The following CASTOR2 variants were observed in gnomAD, a reference collection of about 807,000 sequenced individuals.
The protein encoded by CASTOR2 is GATS protein like 2.
Under a neutral mutation model 31.2 loss-of-function variants are expected in CASTOR2, and 8 were observed. The observed-to-expected ratio is 0.26, with a 90% confidence interval of 0.15 to 0.46. The LOEUF is 0.46. CASTOR2 is among the 20% of genes least tolerant of loss of function. The pLI, the probability that CASTOR2 is intolerant of heterozygous loss-of-function variation, is 0.99. For synonymous variants in CASTOR2, 162 were observed against 158.7 expected, an observed-to-expected ratio of 1.02 and a Z score of -0.16; for missense variants, 216 against 382.1, an observed-to-expected ratio of 0.57 and a Z score of 3.62.
chr7:74,997,213 C>T (rs1804373439), intron 1 of CASTOR2, among the ~76,000 whole-genome samples: 2 of 151,804 alleles, frequency 1.3e-5, no homozygotes, highest in South Asian at 4.1e-4. Flanking sequence ...GTTACCAGGC[C>T]CTGCTAATAT....
intron 1 of CASTOR2, among the ~76,000 whole-genome samples, chr7:74,976,078 A>T (rs1392563354): frequency 1.5e-5 from 2 of 132,890 alleles, no homozygotes; most frequent in African/African-American, 5.6e-5. Flanking sequence ...CCTAACCCAT[A>T]GGAACTGTGA....
intron 2 of CASTOR2, among the ~76,000 whole-genome samples, chr7:75,014,061 T>A (rs1222844764): frequency 6.6e-6 from 1 of 152,110 alleles, no homozygotes; most frequent in African/African-American, 2.4e-5. Context: ...CTGTGTGCAG[T>A]GCTAGGTGTC....
chr7:75,020,170 G>T, intron 6 of CASTOR2, 21 bp downstream of exon 6: 2 of 1,548,942 alleles, frequency 1.3e-6, no homozygotes, highest in Non-Finnish European at 1.7e-6. Flanking sequence ...CCCTGGGGTG[G>T]ACGTTCAACC....
At chr7:75,003,739 A>G (rs1251475223) in intron 1 of CASTOR2, among the ~76,000 whole-genome samples, 2 of 151,046 alleles carry the variant, frequency 1.3e-5, no homozygotes, top group Non-Finnish European at 3.0e-5. Context: ...ACAGAGCGAG[A>G]CTCCATCTCA....
intron 1 of CASTOR2, among the ~76,000 whole-genome samples, chr7:74,993,794 A>G (rs1584466044): frequency 2.9e-5 from 2 of 68,700 alleles, no homozygotes; most frequent in South Asian, 1.0e-3. Context: ...AAACTGTGCC[A>G]CAGATTAAAA....
intron 2 of CASTOR2, among the ~76,000 whole-genome samples, chr7:75,011,668 G>A (rs1192577554): frequency 2.5e-4 from 38 of 149,068 alleles, no homozygotes; most frequent in Admixed American, 4.7e-4. Flanking sequence ...CCCGGGAGGC[G>A]GGCTTGCAGT....
At chr7:74,969,239 G>C (rs1161446414) in intron 1 of CASTOR2, among the ~76,000 whole-genome samples, 1 of 82,962 alleles carries the variant, frequency 1.2e-5, no homozygotes, top group Non-Finnish European at 2.3e-5. Flanking sequence ...TGAAATGCTG[G>C]CCTTTCTGTA....
At chr7:74,969,686 G>A (rs1301712394) in intron 1 of CASTOR2, among the ~76,000 whole-genome samples, 1 of 137,966 alleles carries the variant, frequency 7.2e-6, no homozygotes, top group African/African-American at 2.8e-5. Flanking sequence ...CCAAAATGCT[G>A]GGATTACAGG....
At position 75,030,622 on chromosome 7, in the gene CASTOR2, AG is replaced by A. The variant is rs1805276638; in HGVS notation, c.*5925del. Among the ~76,000 whole-genome samples, 1 of 152,190 alleles carries A rather than the reference AG, an allele frequency of 6.6e-6. No homozygotes were observed. The highest frequency in any genetic ancestry group is 6.5e-5 in the Admixed American group (1 of 15,268). On this transcript the variant is annotated 3_prime_UTR_variant, in exon 9 of 9. Coordinates refer to ENST00000616305, the MANE Select transcript of CASTOR2 (RefSeq NM_001145064.3). ...AGGCAGGAGGCCTCAGTCCTTCCCCAGGTGGGCCAACCCACAGGGCTGCTTG... is the reference window on the plus strand; with the variant it reads ...AGGCAGGAGGCCTCAGTCCTTCCCCAGTGGGCCAACCCACAGGGCTGCTTG...
At chr7:75,009,356 C>T (rs1292704636) in intron 2 of CASTOR2, among the ~76,000 whole-genome samples, 3 of 147,758 alleles carry the variant, frequency 2.0e-5, no homozygotes, top group Non-Finnish European at 4.5e-5. Context: ...CAAGCTCCGC[C>T]TCCCAGGTTC....
chr7:74,977,241 T>C (rs1554435837), intron 1 of CASTOR2, among the ~76,000 whole-genome samples: 1 of 150,110 alleles, frequency 6.7e-6, no homozygotes, highest in Admixed American at 6.7e-5. Flanking sequence ...CTTCTGAGCC[T>C]GCACACGGCT....
intron 2 of CASTOR2, among the ~76,000 whole-genome samples, chr7:75,009,671 G>A (rs1433022396): frequency 6.6e-6 from 1 of 151,732 alleles, no homozygotes; most frequent in Non-Finnish European, 1.5e-5. Flanking sequence ...CAGGCAGAGA[G>A]AACCCCATGT....
In CASTOR2 at chr7:75,027,279, G is replaced by A. The variant is rs1805162476; in HGVS notation, c.*2580G>A. The A allele has an allele frequency of 6.6e-6, 1 of 152,502 alleles. No homozygotes were observed. The highest frequency in any genetic ancestry group is 6.5e-5 in the Admixed American group (1 of 15,284). The allele number at this position is 152,502 out of a possible 1,614,324, so 9.4% of individuals were successfully genotyped here. A position where few individuals can be genotyped will look rare whatever the true frequency, so the allele number is the denominator to read the frequency against. ...GTGCTGAGAGCCCGCTGTGGCGTGG[G>A]TCATGCCTTCTGCACCCCACTTTCC... On this transcript the variant is annotated 3_prime_UTR_variant, in exon 9 of 9. Coordinates refer to ENST00000616305, the MANE Select transcript of CASTOR2 (RefSeq NM_001145064.3).
At chr7:74,975,037 C>G (rs1422321863) in intron 1 of CASTOR2, among the ~76,000 whole-genome samples, 1 of 151,142 alleles carries the variant, frequency 6.6e-6, no homozygotes. Context: ...GGCACGATCT[C>G]GGCTCACTGC....
chr7:75,008,247 CTTCTGGAGGGTCCCCTCCCTGGG>C (rs58078041), intron 2 of CASTOR2, among the ~76,000 whole-genome samples, 183 bp downstream of exon 2: 6,638 of 151,984 alleles, frequency 0.044, 228 homozygotes, highest in African/African-American at 0.091. Context: ...CTCTCCCTGG[CTTCTGGAGGGTCCCCTCCCTGGG>C]TTCTGGAGGG....
chr7:74,987,048 C>A (rs2131926562), intron 1 of CASTOR2, among the ~76,000 whole-genome samples: 1 of 151,950 alleles, frequency 6.6e-6, no homozygotes. Context: ...TAAATAACAA[C>A]AAAAAAATTC....
chr7:75,011,011 C>A (rs1172706658), intron 2 of CASTOR2, among the ~76,000 whole-genome samples: 1 of 152,024 alleles, frequency 6.6e-6, no homozygotes, highest in African/African-American at 2.4e-5. Flanking sequence ...CACCACCATG[C>A]CCGGCTAATT....
Position 75,030,300 on chromosome 7 carries a change from T to C in CASTOR2, c.*5601T>C, listed in dbSNP as rs1031088694. 4.6e-5 allele frequency among the ~76,000 whole-genome samples: 7 copies of C among 152,200 alleles called. No individual in the cohort carries two copies. Among genetic ancestry groups the C allele is most frequent in the African/African-American group, 1.4e-4 (6 of 41,456 alleles). ...GTGTGCAGAGCCCACACCTGAGATA[T>C]GGGACTGGCTCTTGGAGTATTTTGA... is the stretch of plus-strand genomic sequence containing the variant. On this transcript the variant is annotated 3_prime_UTR_variant, in exon 9 of 9. Transcript: ENST00000616305.
In CASTOR2 at chr7:75,020,077, A is replaced by G; in HGVS notation, c.674A>G (p.His225Arg). The G allele has an allele frequency of 1.9e-6, 3 of 1,551,464 alleles. No individual in the cohort carries two copies. The highest frequency in any genetic ancestry group is 2.6e-6 in the Non-Finnish European group (3 of 1,146,826). Residue 225 changes from histidine to arginine, a missense_variant, in exon 6 of 9, where the codon CAC (histidine) becomes CGC (arginine). This residue lies in a region of CASTOR2 where 44 missense variants were observed against 57.5 expected (regional missense o/e 0.76). Transcript: ENST00000616305. Reference sequence around the variant, plus strand: ...ATGGCCACTGGGGATGACTGCGGCCACATCCGCTTCTTCTCCTTCTCCCTC... The same window carrying G: ...ATGGCCACTGGGGATGACTGCGGCCGCATCCGCTTCTTCTCCTTCTCCCTC... Reference protein sequence around the residue: ...DPMATGDDCGHIRFFSFSLIE... With the variant: ...DPMATGDDCGRIRFFSFSLIE...
Sources: gnomAD v4.1 joint callset for allele counts (sites outside exome capture counted in the v4.1 genomes callset) on GRCh38, gnomAD v4.1.1 for gene constraint, gnomAD v4.1.1 regional missense constraint, MANE v1.5 for transcripts, NCBI Gene and HGNC (gene_info 2026-07-23, HGNC 2026-07-21) for gene names.